Variants in CDYL observed in about 807,000 individuals in gnomAD.
The protein encoded by CDYL is chromodomain Y like, also known as chromodomain Y-like protein.
CDYL carries 8 observed loss-of-function variants against 47.3 expected under a neutral mutation model. The observed-to-expected ratio is 0.17, with a 90% CI of 0.10 to 0.31. The LOEUF (loss-of-function observed/expected upper bound fraction) is 0.31, where lower values mean the gene tolerates loss of function less well. CDYL is among the 10% of genes least tolerant of loss of function. The pLI, the probability that CDYL is intolerant of heterozygous loss-of-function variation, is 1.00. For synonymous variants in CDYL, 266 were observed against 265.0 expected, an observed-to-expected ratio of 1.00 and a Z score of -0.04; for missense variants, 471 against 701.4, an observed-to-expected ratio of 0.67 and a Z score of 3.71.
intron 1 of CDYL, among the ~76,000 whole-genome samples, chr6:4,803,595 G>A (rs1000462134): frequency 8.5e-5 from 13 of 152,098 alleles, no homozygotes; most frequent in South Asian, 4.1e-4. Flanking sequence ...TCACTTGAGA[G>A]TGTAGCCCCT....
intron 1 of CDYL, among the ~76,000 whole-genome samples, chr6:4,848,220 G>C (rs977147439): frequency 2.0e-5 from 3 of 152,110 alleles, no homozygotes; most frequent in African/African-American, 7.2e-5. Context: ...GCAAGCTCTC[G>C]AACAGTGTCT....
chr6:4,876,506 G>A lies in CDYL; in HGVS notation c.25-15207G>A, dbSNP rs536100682. 1.5e-4 allele frequency among the ~76,000 whole-genome samples: 23 copies of A among 151,836 alleles called. No homozygotes were observed. In the South Asian group the frequency reaches 2.1e-3, roughly 14 times the overall value. On this transcript the variant is annotated intron_variant, in intron 1 of 6. Coordinates refer to ENST00000397588, the MANE Select transcript of CDYL (RefSeq NM_004824.4). ...TACCTTTGATATTTTTTTCATTTTGGCCATTCTGATGGGCATGTAGTTGTA... is the reference window on the plus strand; with the variant it reads ...TACCTTTGATATTTTTTTCATTTTGACCATTCTGATGGGCATGTAGTTGTA...
chr6:4,810,264 G>A (rs1011702234), intron 1 of CDYL, among the ~76,000 whole-genome samples: 1 of 152,128 alleles, frequency 6.6e-6, no homozygotes, highest in Non-Finnish European at 1.5e-5. Context: ...CAAGATTTCA[G>A]TTCAGGCATC....
chr6:4,953,106 G>A (rs147130268), intron 6 of CDYL, among the ~76,000 whole-genome samples: 4,778 of 151,152 alleles, frequency 0.032, 235 homozygotes, highest in Admixed American at 0.12. Context: ...TAAATAGGCC[G>A]GGCACAGTGG....
chr6:4,940,407 T>C (rs1169411906), intron 4 of CDYL, among the ~76,000 whole-genome samples: 1 of 152,068 alleles, frequency 6.6e-6, no homozygotes, highest in Non-Finnish European at 1.5e-5. Flanking sequence ...TTCCTGTGTA[T>C]ATTTTTCATT....
At chr6:4,942,359 G>A (rs918881985) in intron 4 of CDYL, among the ~76,000 whole-genome samples, 2 of 152,130 alleles carry the variant, frequency 1.3e-5, no homozygotes, top group Admixed American at 6.5e-5. Flanking sequence ...TCAGTGTCTC[G>A]GGGAGTTGAG....
chr6:4,744,659 C>G (rs1490288076), intron 3 of CDYL, among the ~76,000 whole-genome samples: 1 of 152,188 alleles, frequency 6.6e-6, no homozygotes, highest in Non-Finnish European at 1.5e-5. Flanking sequence ...TTACTAATCT[C>G]TAAAAACCTT....
At chr6:4,900,800 T>TAG (rs1561697564) in intron 2 of CDYL, among the ~76,000 whole-genome samples, 2 of 83,138 alleles carry the variant, frequency 2.4e-5, no homozygotes, top group African/African-American at 1.0e-4. Context: ...TATATATATA[T>TAG]ATATATATAT....
At chr6:4,807,289 C>T (rs1005998858) in intron 1 of CDYL, among the ~76,000 whole-genome samples, 1 of 152,164 alleles carries the variant, frequency 6.6e-6, no homozygotes, top group Non-Finnish European at 1.5e-5. Flanking sequence ...TGTCTAATTA[C>T]TGGTGATATT....
rs61308950 is a variant in CDYL at position 4,837,940 on chromosome 6, ATTTT to A, written c.25-53760_25-53757del. Among the ~76,000 whole-genome samples, 12 of 141,924 alleles carry A rather than the reference ATTTT, an allele frequency of 8.5e-5. No individual in the cohort carries two copies. The South Asian group carries it at 1.4e-3, about 16-fold the overall frequency. 93.1% of individuals were successfully genotyped at this position (141,924 alleles called of 152,430 possible). A position where few individuals can be genotyped will look rare whatever the true frequency, so the allele number is the denominator to read the frequency against. ...AGGCGTGCACCAACAAACCCAGCTAATTTTTTTTTTTTTTTTAAATAGAGATGGG... is the reference window on the plus strand; with the variant it reads ...AGGCGTGCACCAACAAACCCAGCTAATTTTTTTTTTTTAAATAGAGATGGG... On this transcript the variant is annotated intron_variant, in intron 1 of 6. Transcript: ENST00000397588.
chr6:4,750,845 TTTTTC>T (rs1757976167), intron 3 of CDYL, among the ~76,000 whole-genome samples: 1 of 150,924 alleles, frequency 6.6e-6, no homozygotes, highest in East Asian at 2.0e-4. Flanking sequence ...ACTCTTTTCT[TTTTTC>T]TTTTCTTTTT....
At chr6:4,785,986 A>G (rs1276346257) in intron 1 of CDYL, among the ~76,000 whole-genome samples, 1 of 152,270 alleles carries the variant, frequency 6.6e-6, no homozygotes, top group East Asian at 1.9e-4. Context: ...GAAAAGGCAT[A>G]TGTTGCAAAG....
intron 1 of CDYL, among the ~76,000 whole-genome samples, chr6:4,870,496 A>T (rs1761442147): frequency 6.6e-6 from 1 of 151,988 alleles, no homozygotes; most frequent in African/African-American, 2.4e-5. Flanking sequence ...CTTTGTGTTT[A>T]TATTATTTGG....
At chr6:4,864,360 C>T (rs7743343) in intron 1 of CDYL, among the ~76,000 whole-genome samples, 89 of 152,222 alleles carry the variant, frequency 5.8e-4, no homozygotes, top group African/African-American at 2.1e-3. Flanking sequence ...AACAGTAATA[C>T]TGATTTTGAT....
intron 1 of CDYL, among the ~76,000 whole-genome samples, chr6:4,838,818 C>G (rs1221258872): frequency 6.6e-6 from 1 of 152,062 alleles, no homozygotes; most frequent in Non-Finnish European, 1.5e-5. Flanking sequence ...TCGTGAGTTT[C>G]TGGGATTACA....
At chr6:4,780,889 A>G (rs1479260807) in intron 1 of CDYL, among the ~76,000 whole-genome samples, 1 of 152,214 alleles carries the variant, frequency 6.6e-6, no homozygotes, top group Non-Finnish European at 1.5e-5. Flanking sequence ...AGTAACCACC[A>G]TGAGACTTTG....
chr6:4,936,919 G>A (rs1187980978), intron 3 of CDYL, among the ~76,000 whole-genome samples: 1 of 152,198 alleles, frequency 6.6e-6, no homozygotes, highest in African/African-American at 2.4e-5. Context: ...CTCGAGTTAT[G>A]TAGTTATATT....
At chr6:4,944,815 T>C (rs751126873) in intron 5 of CDYL, among the ~76,000 whole-genome samples, 1 of 152,170 alleles carries the variant, frequency 6.6e-6, no homozygotes, top group Non-Finnish European at 1.5e-5. Context: ...ATAGTAACTT[T>C]ACAGTAAAGA....
intron 1 of CDYL, among the ~76,000 whole-genome samples, chr6:4,855,478 T>C (rs898582419): frequency 3.3e-5 from 5 of 152,150 alleles, no homozygotes; most frequent in African/African-American, 1.2e-4. Context: ...GTTTTTAACC[T>C]ATTTAAGCCC....
Sources: allele counts gnomAD v4.1 joint callset (sites outside exome capture counted in the v4.1 genomes callset), GRCh38; gene constraint gnomAD v4.1.1; transcripts MANE v1.5; gene names NCBI Gene and HGNC (gene_info 2026-07-23, HGNC 2026-07-21).